The following SPATC1 variants were observed in gnomAD, a reference collection of about 807,000 sequenced individuals.
The protein encoded by SPATC1 is spermatogenesis and centriole associated 1.
SPATC1 carries 35 observed loss-of-function variants against 36.5 expected under a neutral mutation model. The ratio of observed to expected loss-of-function variants is 0.96; its 90% CI spans 0.73 to 1.27. The LOEUF (loss-of-function observed/expected upper bound fraction) is 1.27, where lower values mean the gene tolerates loss of function less well. Among genes scored for constraint, SPATC1 ranks in the 50% most tolerant of loss-of-function variants. SPATC1 has a pLI of 0.00. For missense variants in SPATC1, 779 were observed against 796.0 expected (o/e 0.98, Z 0.26); for synonymous variants, 361 against 353.6 (o/e 1.02, Z -0.24).
chr8:144,038,125 C>T (rs868959518), intron 1 of SPATC1, among the ~76,000 whole-genome samples: 1 of 100,772 alleles, frequency 9.9e-6, no homozygotes, highest in African/African-American at 4.2e-5. Context: ...GACTCTGTCT[C>T]AAAAAAAAAA....
At chr8:144,033,399 CAA>C (rs1316362492) in intron 1 of SPATC1, among the ~76,000 whole-genome samples, 10 of 125,726 alleles carry the variant, frequency 8.0e-5, no homozygotes, top group Admixed American at 8.3e-5. Flanking sequence ...GACTCCGTCT[CAA>C]AAAAAAAAAA....
At chr8:144,034,675 G>A (rs1343515244) in intron 1 of SPATC1, among the ~76,000 whole-genome samples, 1 of 151,740 alleles carries the variant, frequency 6.6e-6, no homozygotes, top group Non-Finnish European at 1.5e-5. Flanking sequence ...AGGCTGGAGT[G>A]GAATGCCACA....
chr8:144,030,791 A>T (rs1834778173), intron 1 of SPATC1, among the ~76,000 whole-genome samples: 1 of 151,902 alleles, frequency 6.6e-6, no homozygotes. Context: ...TGTACATTTT[A>T]AAGTTATTTT....
chr8:144,031,792 C>G (rs1834803070), intron 1 of SPATC1, among the ~76,000 whole-genome samples: 1 of 146,452 alleles, frequency 6.8e-6, no homozygotes. Flanking sequence ...GATCTTGGCT[C>G]ACTGCAGCCT....
chr8:144,029,873 G>T (rs956365131), intron 1 of SPATC1, among the ~76,000 whole-genome samples: 1 of 152,094 alleles, frequency 6.6e-6, no homozygotes, highest in African/African-American at 2.4e-5. Context: ...TCTTCTGTCC[G>T]GTTCTATCCA....
chr8:144,040,056 C>A lies in SPATC1; in HGVS notation c.359C>A (p.Thr120Asn), dbSNP rs1314486330. The change falls in exon 2 of 5, where the codon ACC becomes AAC. Residue 120 changes from threonine to asparagine, a missense_variant. Transcript: ENST00000377470. ...PGSLMSPLTG[T>N]LSTLLSGPAP... ...TCACTCATGAGCCCCCTGACAGGCA[C>A]CCTCAGCACGCTGCTGTCTGGCCCA... is the stretch of plus-strand genomic sequence containing the variant. The A allele has an allele frequency of 1.7e-5, 28 of 1,613,316 alleles. No homozygotes were observed. The highest frequency in any genetic ancestry group is 2.2e-5 in the Non-Finnish European group (26 of 1,179,984).
At position 144,016,337 on chromosome 8, in the gene SPATC1, A is replaced by T. The variant is rs1343846282; in HGVS notation, c.211+3611A>T. ...GTGATTTGTGAGTGAATGTGTGCAT[A>T]TGGCTCTGTGTGTGTGTGAGTTGCT... On this transcript the variant is annotated intron_variant, in intron 1 of 4. Transcript: ENST00000377470. This position sits in a 1 kb window ranked among gnomAD's most constrained non-coding sequence, Gnocchi z 4.5. 2.0e-5 allele frequency among the ~76,000 whole-genome samples: 3 copies of T among 151,954 alleles called. No homozygotes were observed. The highest frequency in any genetic ancestry group is 4.8e-5 in the African/African-American group (2 of 41,368).
At chr8:144,042,656 T>C (rs1554756290) in intron 4 of SPATC1, among the ~76,000 whole-genome samples, 1 of 152,114 alleles carries the variant, frequency 6.6e-6, no homozygotes, top group East Asian at 1.9e-4. Context: ...CAGGCGTCCA[T>C]GTAAGCTGTC....
At chr8:144,032,768 T>C (rs1474762289) in intron 1 of SPATC1, among the ~76,000 whole-genome samples, 1 of 151,920 alleles carries the variant, frequency 6.6e-6, no homozygotes, top group Non-Finnish European at 1.5e-5. Context: ...CTCCCCCTCA[T>C]GCGAGCAAGC....
chr8:144,020,252 G>A, intron 1 of SPATC1, among the ~76,000 whole-genome samples: 1 of 136,096 alleles, frequency 7.3e-6, no homozygotes, highest in East Asian at 2.4e-4. Context: ...ACTCTTCCCT[G>A]AAGACCCTCT....
At chr8:144,020,055 C>T (rs1834474977) in intron 1 of SPATC1, among the ~76,000 whole-genome samples, 1 of 151,918 alleles carries the variant, frequency 6.6e-6, no homozygotes. Context: ...CCTGCGAACC[C>T]CACAGATGCA....
rs923696136 is a variant in SPATC1 at position 144,029,275 on chromosome 8, C to A, written c.212-10634C>A. 2.3e-5 allele frequency among the ~76,000 whole-genome samples: 3 copies of A among 132,126 alleles called. No homozygotes were observed. In the Admixed American group the frequency reaches 2.3e-4, roughly 10 times the overall value. 86.7% of individuals were successfully genotyped at this position (132,126 alleles called of 152,430 possible). A position where few individuals can be genotyped will look rare whatever the true frequency, so the allele number is the denominator to read the frequency against. On this transcript the variant is annotated intron_variant, in intron 1 of 4. Coordinates refer to ENST00000377470, the MANE Select transcript of SPATC1 (RefSeq NM_198572.3). ...TTGTCTTTGCACACTTGCCAAAAAT[C>A]AGTTGGTACAGGGCCAGGCGCGGTA...
At chr8:144,019,288 C>G (rs995461633) in intron 1 of SPATC1, among the ~76,000 whole-genome samples, 8,409 of 152,138 alleles carry the variant, frequency 0.055, 747 homozygotes, top group African/African-American at 0.19. Context: ...TGGCTGAGAG[C>G]GCAGCCAAAA....
At chr8:144,037,155 G>A (rs1834919126) in intron 1 of SPATC1, among the ~76,000 whole-genome samples, 1 of 121,826 alleles carries the variant, frequency 8.2e-6, no homozygotes, top group African/African-American at 3.3e-5. Flanking sequence ...GGGGGGGTCA[G>A]CCCCCCACCC....
chr8:144,026,809 C>CTTTTT (rs1230432833), intron 1 of SPATC1, among the ~76,000 whole-genome samples: 1 of 131,946 alleles, frequency 7.6e-6, no homozygotes, highest in Non-Finnish European at 1.6e-5. Flanking sequence ...CTTTCTTTTT[C>CTTTTT]TTTTTTTTTT....
At chr8:144,034,811 CG>C (rs1416134497) in intron 1 of SPATC1, among the ~76,000 whole-genome samples, 2 of 151,946 alleles carry the variant, frequency 1.3e-5, no homozygotes, top group Non-Finnish European at 1.5e-5. Context: ...TTAGTAGAGA[CG>C]GGGTTTCACC....
chr8:144,018,614 A>C (rs1043407209), intron 1 of SPATC1, among the ~76,000 whole-genome samples: 2 of 152,254 alleles, frequency 1.3e-5, no homozygotes, highest in Middle Eastern at 3.4e-3. Context: ...AGGAGGAAGG[A>C]GAGCATGAGT....
chr8:144,019,163 C>T (rs923652673), intron 1 of SPATC1, among the ~76,000 whole-genome samples: 2 of 152,048 alleles, frequency 1.3e-5, no homozygotes, highest in African/African-American at 2.4e-5. Flanking sequence ...AGGCAGCAGC[C>T]ATCAATCTCC....
At position 144,039,437 on chromosome 8, in the gene SPATC1, C is replaced by T. The variant is rs1229456672; in HGVS notation, c.212-472C>T. Among the ~76,000 whole-genome samples the T allele has an allele frequency of 3.9e-5, 6 of 152,220 alleles. No individual in the cohort carries two copies. In the South Asian group the frequency reaches 1.0e-3, roughly 26 times the overall value. On this transcript the variant is annotated intron_variant, in intron 1 of 4. Coordinates refer to ENST00000377470, the MANE Select transcript of SPATC1 (RefSeq NM_198572.3). ...ATTGCAGCACGGACCCCCTGAGGAG[C>T]CCCCACCACAAAGACAGTGGTCAGG...
Sources: allele counts gnomAD v4.1 joint callset (sites outside exome capture counted in the v4.1 genomes callset), GRCh38; gene constraint gnomAD v4.1.1; non-coding constraint Gnocchi (gnomAD v3.1); transcripts MANE v1.5; gene names NCBI Gene and HGNC (gene_info 2026-07-23, HGNC 2026-07-21).